The following DAPK1 variants were observed in gnomAD, a reference collection of about 807,000 sequenced individuals.
DAPK1 encodes death-associated protein kinase 1.
Under a neutral mutation model 144.9 loss-of-function variants are expected in DAPK1, and 56 were observed. The ratio of observed to expected loss-of-function variants is 0.39; its 90% CI spans 0.31 to 0.48. DAPK1 has a LOEUF of 0.48. Ranked by LOEUF, DAPK1 falls within the 20% of genes least tolerant of loss-of-function variation. DAPK1 has a pLI of 0.95. For missense variants in DAPK1, 1,454 were observed against 1,875.4 expected, an observed-to-expected ratio of 0.78 and a Z score of 4.15; for synonymous variants, 690 against 749.0, an observed-to-expected ratio of 0.92 and a Z score of 1.29.
At chr9:87,550,239 C>A (rs1826426212) in intron 2 of DAPK1, among the ~76,000 whole-genome samples, 1 of 152,170 alleles carries the variant, frequency 6.6e-6, no homozygotes, top group Non-Finnish European at 1.5e-5. Flanking sequence ...ACCATAGGTT[C>A]GTTTAACCTG....
At chr9:87,643,311 CCTCCT>C (rs2119145633) in intron 10 of DAPK1, 60 bp from the exon 11 acceptor site, 2 of 932,928 alleles carry the variant, frequency 2.1e-6, no homozygotes, top group Admixed American at 5.0e-5. Flanking sequence ...AGCTGTCTCT[CCTCCT>C]CTCACCCTGC....
At chr9:87,608,005 A>G (rs955017842) in intron 3 of DAPK1, among the ~76,000 whole-genome samples, 1 of 152,150 alleles carries the variant, frequency 6.6e-6, no homozygotes, top group African/African-American at 2.4e-5. Flanking sequence ...CCATCCTCAC[A>G]TGACCGGCAG....
rs563988894 is a variant in DAPK1 at position 87,556,958 on chromosome 9, T to C, written c.63-47996T>C. On this transcript the variant is annotated intron_variant, in intron 2 of 25. Coordinates refer to ENST00000408954, the MANE Select transcript of DAPK1 (RefSeq NM_004938.4). Reference sequence around the variant, plus strand: ...GTGGGAGAGGAGCTTCTCTGAGATGTGTTATCAGGAACCTTGGCGGAGGTG... The same window carrying C: ...GTGGGAGAGGAGCTTCTCTGAGATGCGTTATCAGGAACCTTGGCGGAGGTG... Among the ~76,000 whole-genome samples the C allele has an allele frequency of 2.6e-5, 4 of 152,266 alleles. No individual in the cohort carries two copies. The South Asian group carries it at 8.3e-4, about 32-fold the overall frequency.
chr9:87,671,554 G>A (rs1421702222), intron 19 of DAPK1, among the ~76,000 whole-genome samples: 1 of 151,218 alleles, frequency 6.6e-6, no homozygotes, highest in South Asian at 2.1e-4. Context: ...AGGCTGGAGT[G>A]CAGTGGCATA....
intron 3 of DAPK1, among the ~76,000 whole-genome samples, chr9:87,623,483 A>G (rs913043291): frequency 6.6e-6 from 1 of 152,126 alleles, no homozygotes; most frequent in African/African-American, 2.4e-5. Flanking sequence ...TTGGTCCCTC[A>G]TGCACGAGGC....
At chr9:87,602,516 A>G (rs1045700752) in intron 2 of DAPK1, among the ~76,000 whole-genome samples, 1 of 152,244 alleles carries the variant, frequency 6.6e-6, no homozygotes, top group Non-Finnish European at 1.5e-5. Flanking sequence ...AATAAAATGG[A>G]GAAACTTCCA....
intron 2 of DAPK1, among the ~76,000 whole-genome samples, chr9:87,533,127 C>T (rs1825749424): frequency 6.6e-6 from 1 of 152,130 alleles, no homozygotes; most frequent in South Asian, 2.1e-4. Context: ...TGTGTATGCA[C>T]ACACACACAT....
At chr9:87,548,204 C>T (rs1385209658) in intron 2 of DAPK1, among the ~76,000 whole-genome samples, 2 of 152,184 alleles carry the variant, frequency 1.3e-5, no homozygotes, top group African/African-American at 4.8e-5. Context: ...GTGTGCTTCA[C>T]CATTACCTTT....
intron 2 of DAPK1, among the ~76,000 whole-genome samples, chr9:87,565,658 G>C (rs1342020493): frequency 6.6e-6 from 1 of 152,182 alleles, no homozygotes; most frequent in Admixed American, 6.5e-5. Context: ...CCGACTTCTT[G>C]AAATCTGAGG....
chr9:87,680,814 C>T (rs796435807), intron 19 of DAPK1, among the ~76,000 whole-genome samples: 6 of 152,242 alleles, frequency 3.9e-5, no homozygotes, highest in African/African-American at 1.4e-4. Context: ...TGACTGCTCA[C>T]GGGTACAGAG....
chr9:87,502,697 C>T (rs940278992), intron 2 of DAPK1, among the ~76,000 whole-genome samples: 1 of 152,158 alleles, frequency 6.6e-6, no homozygotes, highest in African/African-American at 2.4e-5. Context: ...AATGAGTTTC[C>T]CCTTTTAAAG....
At chr9:87,525,798 C>T (rs1334754070) in intron 2 of DAPK1, among the ~76,000 whole-genome samples, 1 of 152,176 alleles carries the variant, frequency 6.6e-6, no homozygotes, top group African/African-American at 2.4e-5. Flanking sequence ...GCTTAATTTC[C>T]CCTCCCTCTT....
intron 3 of DAPK1, among the ~76,000 whole-genome samples, chr9:87,614,627 G>T (rs17480679): frequency 6.6e-6 from 1 of 152,126 alleles, no homozygotes; most frequent in Non-Finnish European, 1.5e-5. Context: ...CACATCAAGC[G>T]GGTGTAATGG....
intron 12 of DAPK1, 64 bp downstream of exon 12, chr9:87,646,078 A>G (rs1282256636): frequency 6.4e-7 from 1 of 1,566,612 alleles, no homozygotes; most frequent in Non-Finnish European, 8.7e-7. Context: ...TTCCATATCC[A>G]AGGAAAGACC....
chr9:87,560,446 T>C (rs1203085303), intron 2 of DAPK1, among the ~76,000 whole-genome samples: 1 of 152,194 alleles, frequency 6.6e-6, no homozygotes, highest in Non-Finnish European at 1.5e-5. Context: ...CCCAGAACTT[T>C]CTCATCTTGC....
At chr9:87,560,399 G>A (rs1478392842) in intron 2 of DAPK1, among the ~76,000 whole-genome samples, 3 of 152,144 alleles carry the variant, frequency 2.0e-5, no homozygotes, top group Admixed American at 2.0e-4. Context: ...GTGCAACTGA[G>A]TTGTGTCAGC....
chr9:87,706,053 G>C lies in DAPK1; in HGVS notation c.3061-79G>C. 1 of 1,031,886 alleles carries C rather than the reference G, an allele frequency of 9.7e-7. No homozygotes were observed. Among genetic ancestry groups the C allele is most frequent in the African/African-American group, 1.6e-5 (1 of 62,778 alleles). 63.9% of individuals were successfully genotyped at this position (1,031,886 alleles called of 1,614,324 possible). On this transcript the variant is annotated intron_variant, in intron 25 of 25. Transcript: ENST00000408954. The surrounding 1 kb of genome is among the most constrained non-coding windows in gnomAD (Gnocchi z 9.0). ...GCTCAGCCTCTGTTGCCGGCATCAG[G>C]CCCTTTAGTGCTCTAAGTGGCTGGT...
intron 17 of DAPK1, among the ~76,000 whole-genome samples, chr9:87,655,268 G>A (rs1830593326): frequency 6.6e-6 from 1 of 152,158 alleles, no homozygotes; most frequent in South Asian, 2.1e-4. Flanking sequence ...GGCTCCCCAG[G>A]TTGGCTTTGA....
At chr9:87,639,967 A>G (rs1046818206) in intron 7 of DAPK1, 152 bp downstream of exon 7, 2 of 817,846 alleles carry the variant, frequency 2.4e-6, no homozygotes, top group Non-Finnish European at 3.8e-6. Flanking sequence ...TGTTTAGTTT[A>G]TACTAATTAA....
Sources: allele counts gnomAD v4.1 joint callset (sites outside exome capture counted in the v4.1 genomes callset), GRCh38; gene constraint gnomAD v4.1.1; non-coding constraint Gnocchi (gnomAD v3.1); transcripts MANE v1.5; gene names NCBI Gene and HGNC (gene_info 2026-07-23, HGNC 2026-07-21).